The following TMTC1 variants were observed in gnomAD, a reference collection of about 807,000 sequenced individuals.
The protein encoded by TMTC1 is transmembrane O-mannosyltransferase targeting cadherins 1.
A neutral mutation model predicts 104.8 loss-of-function variants in TMTC1; 73 were observed. That is an observed-to-expected ratio of 0.70 (90% CI 0.58 to 0.85). The LOEUF (loss-of-function observed/expected upper bound fraction) is 0.85, where lower values mean the gene tolerates loss of function less well. Ranked by LOEUF, TMTC1 falls within the 40% of genes least tolerant of loss-of-function variation. The pLI is 0.00. For synonymous variants in TMTC1, 434 were observed against 428.7 expected (o/e 1.01, Z -0.15); for missense variants, 1,035 against 1,096.1 (o/e 0.94, Z 0.79).
At chr12:29,511,226 C>G (rs1943825066) in intron 17 of TMTC1, among the ~76,000 whole-genome samples, 1 of 152,044 alleles carries the variant, frequency 6.6e-6, no homozygotes, top group Admixed American at 6.6e-5. Context: ...ATTAAACATT[C>G]ATGTATGTAT....
intron 5 of TMTC1, among the ~76,000 whole-genome samples, chr12:29,692,241 T>C (rs1458394106): frequency 1.4e-5 from 2 of 145,596 alleles, no homozygotes; most frequent in Non-Finnish European, 3.0e-5. Flanking sequence ...CACTTTATTC[T>C]CATTGCTTCC....
intron 5 of TMTC1, among the ~76,000 whole-genome samples, chr12:29,689,575 C>T (rs1301181788): frequency 6.6e-6 from 1 of 152,120 alleles, no homozygotes; most frequent in Non-Finnish European, 1.5e-5. Flanking sequence ...AGGCCCTGGG[C>T]TCTGAATTTT....
intron 5 of TMTC1, among the ~76,000 whole-genome samples, chr12:29,687,903 C>T (rs1451610650): frequency 6.6e-6 from 1 of 152,142 alleles, no homozygotes; most frequent in Non-Finnish European, 1.5e-5. Context: ...TAGGGCCCCA[C>T]CCTTACAACT....
intron 5 of TMTC1, among the ~76,000 whole-genome samples, chr12:29,674,233 C>T (rs569233965): frequency 1.8e-4 from 27 of 152,088 alleles, no homozygotes; most frequent in Non-Finnish European, 2.9e-4. Context: ...GGCCTTTTAG[C>T]CTCCCTAGGT....
At chr12:29,756,143 A>G (rs1943210210) in intron 3 of TMTC1, among the ~76,000 whole-genome samples, 3 of 152,256 alleles carry the variant, frequency 2.0e-5, no homozygotes, top group Admixed American at 2.0e-4. Flanking sequence ...AGACATACTT[A>G]GTCATATGAA....
intron 6 of TMTC1, among the ~76,000 whole-genome samples, chr12:29,620,413 A>AG (rs1947100442): frequency 6.6e-6 from 1 of 152,314 alleles, no homozygotes; most frequent in South Asian, 2.1e-4. Context: ...CCCAACACAG[A>AG]GGGGACTGGC....
intron 5 of TMTC1, among the ~76,000 whole-genome samples, chr12:29,698,764 C>A (rs971262856): frequency 6.6e-6 from 1 of 152,144 alleles, no homozygotes; most frequent in African/African-American, 2.4e-5. Context: ...AGAGTATGAA[C>A]AGATGCTCAC....
At chr12:29,563,386 G>A (rs572455757) in intron 9 of TMTC1, among the ~76,000 whole-genome samples, 6 of 152,278 alleles carry the variant, frequency 3.9e-5, no homozygotes, top group African/African-American at 1.2e-4. Flanking sequence ...AGTGCACTCT[G>A]GTTGATGGAT....
chr12:29,758,254 C>A (rs892649988), intron 3 of TMTC1, among the ~76,000 whole-genome samples: 1 of 152,248 alleles, frequency 6.6e-6, no homozygotes, highest in Non-Finnish European at 1.5e-5. Flanking sequence ...TCGAGAAATG[C>A]TACTTTATAC....
At chr12:29,557,022 G>A in intron 9 of TMTC1, 22 bp from the exon 10 acceptor site, 1 of 1,611,688 alleles carries the variant, frequency 6.2e-7, no homozygotes, top group African/African-American at 1.3e-5. Flanking sequence ...AAAATATTAA[G>A]CTGTGATGGT....
chr12:29,713,280 A>C (rs548375099), intron 5 of TMTC1, among the ~76,000 whole-genome samples: 2 of 145,114 alleles, frequency 1.4e-5, no homozygotes, highest in South Asian at 2.2e-4. Flanking sequence ...CCTTAAAATA[A>C]ATCTCTCTAC....
At chr12:29,647,213 A>G (rs1330735761) in intron 5 of TMTC1, among the ~76,000 whole-genome samples, 1 of 151,978 alleles carries the variant, frequency 6.6e-6, no homozygotes, top group Non-Finnish European at 1.5e-5. Flanking sequence ...AGAGACAGAG[A>G]TTCACCATAT....
intron 10 of TMTC1, among the ~76,000 whole-genome samples, chr12:29,544,721 G>C (rs1389027292): frequency 1.3e-5 from 2 of 152,208 alleles, no homozygotes; most frequent in African/African-American, 4.8e-5. Context: ...AAGATTAAGG[G>C]AAAGTGTAAA....
intron 9 of TMTC1, among the ~76,000 whole-genome samples, chr12:29,558,067 C>T (rs1459297584): frequency 2.6e-5 from 4 of 152,124 alleles, no homozygotes; most frequent in African/African-American, 9.7e-5. Context: ...CAAATTTATA[C>T]TGATTAAGGT....
At chr12:29,698,489 C>T (rs1254331729) in intron 5 of TMTC1, among the ~76,000 whole-genome samples, 2 of 152,190 alleles carry the variant, frequency 1.3e-5, no homozygotes, top group African/African-American at 2.4e-5. Context: ...TTCACCATCA[C>T]ACCTAGTGTA....
chr12:29,629,530 C>G (rs1028665466), intron 6 of TMTC1, among the ~76,000 whole-genome samples: 1 of 152,140 alleles, frequency 6.6e-6, no homozygotes, highest in Non-Finnish European at 1.5e-5. Context: ...TGTCCTTCAC[C>G]TTGGCAAAAT....
At chr12:29,597,002 C>T (rs1360470583) in intron 7 of TMTC1, among the ~76,000 whole-genome samples, 1 of 152,160 alleles carries the variant, frequency 6.6e-6, no homozygotes, top group African/African-American at 2.4e-5. Context: ...GCTCAGTTCC[C>T]AAGTCTCGCT....
At chr12:29,530,926 G>T (rs1944485401) in intron 11 of TMTC1, among the ~76,000 whole-genome samples, 1 of 152,108 alleles carries the variant, frequency 6.6e-6, no homozygotes, top group African/African-American at 2.4e-5. Flanking sequence ...CGGTCCTTTA[G>T]ATATCAGATT....
At chr12:29,695,541 G>A (rs1398954019) in intron 5 of TMTC1, among the ~76,000 whole-genome samples, 1 of 151,634 alleles carries the variant, frequency 6.6e-6, no homozygotes, top group Non-Finnish European at 1.5e-5. Context: ...TCCTGACCTT[G>A]TGATCTGGCC....
Sources: allele counts gnomAD v4.1 joint callset (sites outside exome capture counted in the v4.1 genomes callset), GRCh38; gene constraint gnomAD v4.1.1; transcripts MANE v1.5; gene names NCBI Gene and HGNC (gene_info 2026-07-23, HGNC 2026-07-21).